SDK2: variants seen among roughly 807,000 people sequenced by gnomAD.
The protein encoded by SDK2 is sidekick cell adhesion molecule 2.
In SDK2, 105 loss-of-function variants were observed where a neutral mutation model predicts 253.9. That is an observed-to-expected ratio of 0.41 (90% confidence interval 0.35 to 0.49). SDK2 has a LOEUF of 0.49. SDK2 is among the 20% of genes least tolerant of loss of function. The probability of loss-of-function intolerance (pLI) is 0.06; values close to 1 mark genes in which losing one functional copy is unlikely to be tolerated. For missense variants in SDK2, 2,608 were observed against 3,003.0 expected, an observed-to-expected ratio of 0.87 and a Z score of 3.07; for synonymous variants, 1,249 against 1,234.9, an observed-to-expected ratio of 1.01 and a Z score of -0.24.
intron 3 of SDK2, among the ~76,000 whole-genome samples, chr17:73,469,992 G>GCC (rs1328450219): frequency 2.4e-5 from 3 of 126,264 alleles, no homozygotes; most frequent in African/African-American, 9.3e-5. Flanking sequence ...GCGCGCGCGC[G>GCC]CACACACACA....
intron 1 of SDK2, among the ~76,000 whole-genome samples, chr17:73,559,161 A>G (rs1198372844): frequency 1.3e-5 from 2 of 152,192 alleles, no homozygotes; most frequent in Non-Finnish European, 2.9e-5. Context: ...AGCAACACCC[A>G]GATCCTGAAA....
In SDK2 at chr17:73,433,818, A is replaced by G; in HGVS notation, c.1226T>C (p.Leu409Pro). Residue 409 changes from leucine (L) to proline (P), a missense_variant, in exon 10 of 45, where the codon CTG becomes CCG. Around this residue, in one of 2 missense-constraint regions of SDK2, gnomAD observed 1,505 missense variants for 1,859.1 expected, o/e 0.81. Coordinates refer to ENST00000392650, the MANE Select transcript of SDK2 (RefSeq NM_001144952.2). ...CATGCCATCGATCACCGTGCTGTCCAGGGGGCCTCTGGTGATGTTAGGGGC... is the reference window on the plus strand; with the variant it reads ...CATGCCATCGATCACCGTGCTGTCCGGGGGGCCTCTGGTGATGTTAGGGGC... ...SIAPNITRGP[L>P]DSTVIDGMSV... 3 of 1,592,084 alleles carry G rather than the reference A, an allele frequency of 1.9e-6. No individual in the cohort carries two copies. Among genetic ancestry groups the G allele is most frequent in the Non-Finnish European group, 2.6e-6 (3 of 1,169,622 alleles).
At chr17:73,454,772 C>T (rs568439459) in intron 4 of SDK2, among the ~76,000 whole-genome samples, 7 of 152,256 alleles carry the variant, frequency 4.6e-5, no homozygotes, top group Admixed American at 1.3e-4. Flanking sequence ...GGCCCGATCT[C>T]GGCTCACTGC....
At chr17:73,554,849 G>C (rs1346455993) in intron 1 of SDK2, among the ~76,000 whole-genome samples, 1 of 152,180 alleles carries the variant, frequency 6.6e-6, no homozygotes, top group East Asian at 1.9e-4. Flanking sequence ...ACTTATTTAT[G>C]GGTTGTTCTG....
Position 73,352,820 on chromosome 17 carries a change from G to A in SDK2, c.5594-183C>T, listed in dbSNP as rs1330280570. ...AAAAGACAACTTTCGGGCCAAGCAC[G>A]GTGGCTCATGCCTGTAATTCCAGCA... On this transcript the variant is annotated intron_variant, in intron 40 of 44. Transcript: ENST00000392650. The surrounding 1 kb of genome is among the most constrained non-coding windows in gnomAD (Gnocchi z 4.1). Among the ~76,000 whole-genome samples the A allele has an allele frequency of 1.3e-5, 2 of 152,204 alleles. No homozygotes were observed. Among genetic ancestry groups the A allele is most frequent in the African/African-American group, 2.4e-5 (1 of 41,458 alleles).
In SDK2 at chr17:73,336,753, G is replaced by A. The variant is rs1006038802; in HGVS notation, c.*1834C>T. The stretch of plus-strand genomic sequence containing the variant: ...CCACCCCAACAGAGCATCATCTCTT[G>A]GGCAGGGCCAGCAGCGCCTGTACAC... On this transcript the variant is annotated 3_prime_UTR_variant, in exon 45 of 45. Coordinates refer to ENST00000392650, the MANE Select transcript of SDK2 (RefSeq NM_001144952.2). The A allele has an allele frequency of 1.3e-5, 2 of 152,728 alleles. No homozygotes were observed. The highest frequency in any genetic ancestry group is 2.9e-5 in the Non-Finnish European group (2 of 68,140). The allele number at this position is 152,728 out of a possible 1,614,324, so 9.5% of individuals were successfully genotyped here.
intron 34 of SDK2, among the ~76,000 whole-genome samples, chr17:73,380,490 T>C (rs1287454692): frequency 6.6e-6 from 1 of 152,112 alleles, no homozygotes; most frequent in African/African-American, 2.4e-5. Flanking sequence ...TCCCTCCAGG[T>C]GTGGGGCCAG....
intron 14 of SDK2, among the ~76,000 whole-genome samples, 190 bp downstream of exon 14, chr17:73,423,196 C>T (rs1176245956): frequency 6.6e-6 from 1 of 152,216 alleles, no homozygotes; most frequent in Non-Finnish European, 1.5e-5. Flanking sequence ...TCATCTCTTT[C>T]AACTGTAACA....
chr17:73,608,866 G>C (rs1003335540), intron 1 of SDK2, among the ~76,000 whole-genome samples: 1 of 152,210 alleles, frequency 6.6e-6, no homozygotes, highest in Non-Finnish European at 1.5e-5. Context: ...ATTGTGAGGA[G>C]GTGACTGCAG....
At chr17:73,402,805 T>G (rs1271078122) in intron 18 of SDK2, among the ~76,000 whole-genome samples, 1 of 151,770 alleles carries the variant, frequency 6.6e-6, no homozygotes, top group Non-Finnish European at 1.5e-5. Context: ...ATTTATTTAT[T>G]TTTATTTTTT....
chr17:73,339,903 C>T (rs2062420096), intron 44 of SDK2, among the ~76,000 whole-genome samples: 1 of 150,986 alleles, frequency 6.6e-6, no homozygotes, highest in Admixed American at 6.6e-5. Context: ...CGCAGTTTCA[C>T]TCTTGTTGCC....
At chr17:73,532,719 G>C (rs1033778324) in intron 1 of SDK2, among the ~76,000 whole-genome samples, 1 of 152,142 alleles carries the variant, frequency 6.6e-6, no homozygotes, top group African/African-American at 2.4e-5. Context: ...GGAAACGGGG[G>C]GGCTGGAGGC....
Position 73,375,523 on chromosome 17 carries a change from A to C in SDK2, c.4980+3654T>G, listed in dbSNP as rs2062770695. 2.0e-5 allele frequency among the ~76,000 whole-genome samples: 3 copies of C among 151,402 alleles called. 1 individual carries two copies. In the South Asian group the frequency reaches 6.4e-4, roughly 32 times the overall value. On this transcript the variant is annotated intron_variant, in intron 36 of 44. Coordinates refer to ENST00000392650, the MANE Select transcript of SDK2 (RefSeq NM_001144952.2). ...CGGCCTTTCAAAGCGCCAGGATTAC[A>C]GTTGTGAGCCACTGAGCCCAGCCCT...
chr17:73,625,549 C>A (rs776773201), intron 1 of SDK2, among the ~76,000 whole-genome samples: 12 of 152,228 alleles, frequency 7.9e-5, no homozygotes, highest in Non-Finnish European at 1.2e-4. Flanking sequence ...CTGGGCCCCA[C>A]GCCTAGAAGG....
intron 36 of SDK2, among the ~76,000 whole-genome samples, chr17:73,369,501 G>C (rs533225159): frequency 2.6e-5 from 4 of 152,244 alleles, no homozygotes; most frequent in Non-Finnish European, 5.9e-5. Context: ...CAGTTTTGTC[G>C]TACATTCAGT....
intron 3 of SDK2, among the ~76,000 whole-genome samples, chr17:73,463,515 C>T (rs951199448): frequency 6.6e-6 from 1 of 152,188 alleles, no homozygotes; most frequent in Admixed American, 6.5e-5. Context: ...TACCTTTCCC[C>T]TACCCTGGAT....
intron 1 of SDK2, among the ~76,000 whole-genome samples, chr17:73,620,240 C>T (rs1255361961): frequency 6.6e-6 from 1 of 151,648 alleles, no homozygotes; most frequent in Non-Finnish European, 1.5e-5. Flanking sequence ...AGAAATTTCT[C>T]CAGAGAAGAT....
intron 1 of SDK2, among the ~76,000 whole-genome samples, chr17:73,599,192 C>T (rs541212232): frequency 1.4e-4 from 21 of 152,232 alleles, no homozygotes; most frequent in African/African-American, 3.4e-4. Flanking sequence ...TTAGTACATT[C>T]GTACAGAAGG....
At chr17:73,450,498 C>T (rs12453622) in intron 4 of SDK2, among the ~76,000 whole-genome samples, 46,085 of 151,836 alleles carry the variant, frequency 0.3, 7,375 homozygotes, top group South Asian at 0.37. Context: ...AGCCACGCCA[C>T]ATCCATGACT....
Sources: gnomAD v4.1 joint callset for allele counts (sites outside exome capture counted in the v4.1 genomes callset) on GRCh38, gnomAD v4.1.1 for gene constraint, gnomAD v4.1.1 regional missense constraint, Gnocchi (gnomAD v3.1) non-coding constraint, MANE v1.5 for transcripts, NCBI Gene and HGNC (gene_info 2026-07-23, HGNC 2026-07-21) for gene names.